FAM13A: variants seen among roughly 807,000 people sequenced by gnomAD.
FAM13A encodes the protein family with sequence similarity 13 member A, also known as protein FAM13A.
Under a neutral mutation model 129.6 loss-of-function variants are expected in FAM13A, and 76 were observed. The ratio of observed to expected loss-of-function variants is 0.59; its 90% confidence interval spans 0.49 to 0.71. The LOEUF (loss-of-function observed/expected upper bound fraction) is 0.71, where lower values mean the gene tolerates loss of function less well. Among genes scored for constraint, FAM13A ranks in the 30% least tolerant of loss-of-function variants. The pLI is 0.00. For missense variants in FAM13A, 1,108 were observed against 1,249.3 expected, an observed-to-expected ratio of 0.89 and a Z score of 1.70; for synonymous variants, 443 against 449.9, an observed-to-expected ratio of 0.98 and a Z score of 0.20.
At chr4:89,027,118 T>G (rs1423319378) in intron 2 of FAM13A, among the ~76,000 whole-genome samples, 1 of 152,216 alleles carries the variant, frequency 6.6e-6, no homozygotes, top group Admixed American at 6.5e-5. Flanking sequence ...TACCAAACCC[T>G]ATATATACTG....
chr4:88,925,300 C>A (rs1347168490), intron 5 of FAM13A, among the ~76,000 whole-genome samples: 2 of 152,092 alleles, frequency 1.3e-5, no homozygotes, highest in East Asian at 3.9e-4. Flanking sequence ...GACTTGGAAC[C>A]AACCCAAATG....
intron 7 of FAM13A, among the ~76,000 whole-genome samples, chr4:88,836,461 T>C (rs940961240): frequency 2.0e-5 from 3 of 152,228 alleles, no homozygotes; most frequent in Non-Finnish European, 4.4e-5. Flanking sequence ...GTCATAGTAA[T>C]ACTAAGATGT....
intron 4 of FAM13A, among the ~76,000 whole-genome samples, chr4:88,953,236 C>A (rs907283877): frequency 6.6e-6 from 1 of 151,944 alleles, no homozygotes; most frequent in African/African-American, 2.4e-5. Flanking sequence ...GGGCAGACCA[C>A]CTGAGGTCAA....
chr4:88,962,913 T>C (rs1318743938), intron 4 of FAM13A, among the ~76,000 whole-genome samples: 1 of 152,204 alleles, frequency 6.6e-6, no homozygotes, highest in Non-Finnish European at 1.5e-5. Flanking sequence ...TCATGACATA[T>C]TATTTAAATA....
chr4:88,774,059 G>A (rs1048245899), intron 11 of FAM13A, among the ~76,000 whole-genome samples: 3 of 152,048 alleles, frequency 2.0e-5, no homozygotes, highest in African/African-American at 7.2e-5. Context: ...TTCTAACCAT[G>A]GCCACCTCTT....
chr4:88,859,892 T>C (rs969690826), intron 6 of FAM13A, among the ~76,000 whole-genome samples: 1 of 120,808 alleles, frequency 8.3e-6, no homozygotes, highest in African/African-American at 2.7e-5. Flanking sequence ...AGTGTGTCTT[T>C]TTCATTTTTG....
intron 4 of FAM13A, among the ~76,000 whole-genome samples, chr4:88,958,881 C>G (rs1003815923): frequency 6.6e-6 from 1 of 152,206 alleles, no homozygotes; most frequent in Non-Finnish European, 1.5e-5. Context: ...CCTGCAAAGC[C>G]AAAAGGGTAG....
At chr4:88,905,347 G>T (rs1194460487) in intron 6 of FAM13A, among the ~76,000 whole-genome samples, 2 of 152,074 alleles carry the variant, frequency 1.3e-5, no homozygotes, top group African/African-American at 4.8e-5. Context: ...ATGTTGGCCA[G>T]ACTGGTCCTT....
chr4:88,809,788 C>T (rs555241473), intron 7 of FAM13A, among the ~76,000 whole-genome samples: 4 of 151,128 alleles, frequency 2.6e-5, no homozygotes, highest in Middle Eastern at 6.8e-3. Flanking sequence ...TGGGGAGGTA[C>T]GTGGCAGCCA....
chr4:88,892,197 T>TTC (rs1561266692), intron 6 of FAM13A, among the ~76,000 whole-genome samples: 1 of 72,776 alleles, frequency 1.4e-5, no homozygotes, highest in Non-Finnish European at 2.9e-5. Context: ...TTTTTTTTTT[T>TTC]GAGACGGAGT....
chr4:88,784,580 C>T (rs540502178), intron 10 of FAM13A, among the ~76,000 whole-genome samples: 2 of 152,104 alleles, frequency 1.3e-5, no homozygotes, highest in Non-Finnish European at 2.9e-5. Flanking sequence ...CCTGGCAATG[C>T]TGAACTATTT....
At chr4:88,839,785 T>C (rs1353295124) in intron 7 of FAM13A, among the ~76,000 whole-genome samples, 2 of 152,208 alleles carry the variant, frequency 1.3e-5, no homozygotes, top group Admixed American at 1.3e-4. Flanking sequence ...TGTCAACATC[T>C]TAACATTTTT....
chr4:88,728,499 G>A lies in FAM13A; in HGVS notation c.*34C>T, dbSNP rs754551092. The A allele has an allele frequency of 5.6e-6, 9 of 1,612,974 alleles. No homozygotes were observed. Among genetic ancestry groups the A allele is most frequent in the Admixed American group, 1.7e-5 (1 of 60,012 alleles). On this transcript the variant is annotated 3_prime_UTR_variant, in exon 24 of 24. Transcript: ENST00000264344. ...TCTCTGGGGACAGTAAACTCTCACCGCAGCTGCCAGCCCCCTGTGCTTGGC... is the reference window on the plus strand; with the variant it reads ...TCTCTGGGGACAGTAAACTCTCACCACAGCTGCCAGCCCCCTGTGCTTGGC...
intron 5 of FAM13A, among the ~76,000 whole-genome samples, chr4:88,928,720 C>T (rs1752591678): frequency 6.8e-6 from 1 of 146,782 alleles, no homozygotes; most frequent in Admixed American, 6.9e-5. Flanking sequence ...CTTGTGGGAG[C>T]ATATAGTTGG....
chr4:88,815,007 T>A (rs6818193), intron 7 of FAM13A, among the ~76,000 whole-genome samples: 10,121 of 152,040 alleles, frequency 0.067, 359 homozygotes, highest in African/African-American at 0.08. Context: ...GCACAGATAA[T>A]TTTTAAAAAA....
intron 4 of FAM13A, among the ~76,000 whole-genome samples, chr4:88,958,396 A>G (rs1316005165): frequency 6.6e-6 from 1 of 152,000 alleles, no homozygotes; most frequent in Non-Finnish European, 1.5e-5. Flanking sequence ...TTGAGCTGAT[A>G]CTTTGGAGCC....
intron 6 of FAM13A, among the ~76,000 whole-genome samples, chr4:88,853,565 C>T (rs751202297): frequency 1.4e-4 from 21 of 152,140 alleles, no homozygotes; most frequent in Non-Finnish European, 2.8e-4. Context: ...AAAAATCTCA[C>T]ATTTAGATTT....
chr4:88,998,910 A>C (rs1429200782), intron 3 of FAM13A, among the ~76,000 whole-genome samples: 1 of 152,200 alleles, frequency 6.6e-6, no homozygotes, highest in African/African-American at 2.4e-5. Context: ...CATGACCATG[A>C]TATGGTTCTC....
Position 89,057,080 on chromosome 4 carries a change from T to C in FAM13A, c.-116A>G, listed in dbSNP as rs1772283923. On this transcript the variant is annotated 5_prime_UTR_variant, in exon 1 of 24. Coordinates refer to ENST00000264344, the MANE Select transcript of FAM13A (RefSeq NM_014883.4). The stretch of plus-strand genomic sequence containing the variant: ...CTTTGATGTGAAAAACAGCTCCCAA[T>C]GCAAAGGCCCCAAGGTAAGCGAAGA... 71 of 1,545,580 alleles carry C rather than the reference T, an allele frequency of 4.6e-5. No homozygotes were observed. In the South Asian group the frequency reaches 7.2e-4, roughly 16 times the overall value.
Sources: allele counts gnomAD v4.1 joint callset (sites outside exome capture counted in the v4.1 genomes callset), GRCh38; gene constraint gnomAD v4.1.1; transcripts MANE v1.5; gene names NCBI Gene and HGNC (gene_info 2026-07-23, HGNC 2026-07-21).